GRIK2: variants seen among roughly 807,000 people sequenced by gnomAD.
The protein encoded by GRIK2 is glutamate ionotropic receptor kainate type subunit 2.
GRIK2 carries 32 observed loss-of-function variants against 100.3 expected under a neutral mutation model. The observed-to-expected ratio is 0.32, with a 90% CI of 0.24 to 0.43. The LOEUF (loss-of-function observed/expected upper bound fraction) is 0.43, where lower values mean the gene tolerates loss of function less well. Among genes scored for constraint, GRIK2 ranks in the 20% least tolerant of loss-of-function variants. The pLI is 1.00. For missense variants in GRIK2, 843 were observed against 1,114.9 expected (o/e 0.76, Z 3.47); for synonymous variants, 417 against 389.4 (o/e 1.07, Z -0.83).
chr6:101,402,012 G>A (rs1268907283), intron 2 of GRIK2, among the ~76,000 whole-genome samples: 1 of 152,006 alleles, frequency 6.6e-6, no homozygotes, highest in Non-Finnish European at 1.5e-5. Flanking sequence ...GGCCACCCCA[G>A]CCCCCCTTCC....
At chr6:102,038,618 C>A (rs1770402398) in intron 15 of GRIK2, among the ~76,000 whole-genome samples, 1 of 151,046 alleles carries the variant, frequency 6.6e-6, no homozygotes, top group Admixed American at 6.6e-5. Context: ...TATTTACTTA[C>A]TTACTTACTT....
intron 2 of GRIK2, among the ~76,000 whole-genome samples, chr6:101,603,502 T>C (rs554884869): frequency 4.6e-5 from 7 of 151,696 alleles, no homozygotes; most frequent in Admixed American, 1.3e-4. Context: ...TGGAGTGAGA[T>C]TGGGTCTAAA....
intron 4 of GRIK2, among the ~76,000 whole-genome samples, chr6:101,662,703 C>A (rs1195896930): frequency 6.6e-6 from 1 of 152,048 alleles, no homozygotes; most frequent in African/African-American, 2.4e-5. Context: ...TGTCCACTTG[C>A]TAAATGGTTA....
chr6:101,728,451 G>A (rs893056597), intron 7 of GRIK2, among the ~76,000 whole-genome samples: 1 of 152,034 alleles, frequency 6.6e-6, no homozygotes, highest in African/African-American at 2.4e-5. Context: ...GCCAAAATTT[G>A]CAGCTGTATC....
At chr6:101,653,577 CTT>C (rs894360197) in intron 4 of GRIK2, among the ~76,000 whole-genome samples, 2 of 152,096 alleles carry the variant, frequency 1.3e-5, no homozygotes, top group African/African-American at 2.4e-5. Flanking sequence ...AAGCCCTCCT[CTT>C]TGCTGATTTA....
chr6:101,910,842 C>CACAA (rs1788634457), intron 12 of GRIK2, among the ~76,000 whole-genome samples: 1 of 149,288 alleles, frequency 6.7e-6, no homozygotes, highest in Admixed American at 6.7e-5. Flanking sequence ...ACATACACCA[C>CACAA]ACACACACAC....
intron 14 of GRIK2, among the ~76,000 whole-genome samples, chr6:102,018,920 T>G (rs1473756916): frequency 3.3e-5 from 5 of 150,950 alleles, no homozygotes; most frequent in Non-Finnish European, 7.4e-5. Flanking sequence ...ACACAAAATA[T>G]TCTGAGACAT....
chr6:101,458,201 T>C (rs891054720), intron 2 of GRIK2, among the ~76,000 whole-genome samples: 6 of 152,072 alleles, frequency 3.9e-5, no homozygotes, highest in Non-Finnish European at 8.8e-5. Flanking sequence ...ATCTTTTTTT[T>C]TTAAAGGACA....
At chr6:101,842,532 G>A (rs949729277) in intron 10 of GRIK2, among the ~76,000 whole-genome samples, 2 of 152,048 alleles carry the variant, frequency 1.3e-5, no homozygotes, top group African/African-American at 4.8e-5. Context: ...TCCTCAACTA[G>A]ATTAAAAGGT....
intron 4 of GRIK2, among the ~76,000 whole-genome samples, chr6:101,647,708 A>G (rs1283646476): frequency 6.6e-6 from 1 of 152,050 alleles, no homozygotes; most frequent in Non-Finnish European, 1.5e-5. Context: ...GTTTTTAACT[A>G]AAGATGAATA....
At chr6:102,056,382 T>C (rs1400778012) in intron 16 of GRIK2, among the ~76,000 whole-genome samples, 1 of 151,982 alleles carries the variant, frequency 6.6e-6, no homozygotes, top group South Asian at 2.1e-4. Flanking sequence ...AATAACTCTT[T>C]CAGATGCTAC....
intron 16 of GRIK2, among the ~76,000 whole-genome samples, chr6:102,064,273 TCTC>T (rs1381987042): frequency 1.3e-5 from 2 of 149,230 alleles, no homozygotes; most frequent in East Asian, 2.0e-4. Flanking sequence ...TCCCTCTCCT[TCTC>T]CTTCTCTTCT....
At position 101,995,869 on chromosome 6, in the gene GRIK2, C is replaced by T. The variant is rs542589463; in HGVS notation, c.2086-39472C>T. Reference sequence around the variant, plus strand: ...GTTTAAGTCTAGTTTAAACAACATACTAACATCACTATTATTTCTATATAA... The same window carrying T: ...GTTTAAGTCTAGTTTAAACAACATATTAACATCACTATTATTTCTATATAA... On this transcript the variant is annotated intron_variant, in intron 14 of 16. Transcript: ENST00000369134. 2.0e-5 allele frequency among the ~76,000 whole-genome samples: 3 copies of T among 152,082 alleles called. No homozygotes were observed. In the East Asian group the frequency reaches 5.8e-4, roughly 29 times the overall value.
At chr6:101,548,163 G>T (rs1334086723) in intron 2 of GRIK2, among the ~76,000 whole-genome samples, 2 of 151,916 alleles carry the variant, frequency 1.3e-5, no homozygotes, top group Non-Finnish European at 1.5e-5. Context: ...TTTTTGATGG[G>T]GTTGTTTGTT....
intron 10 of GRIK2, among the ~76,000 whole-genome samples, chr6:101,853,652 CTTTA>C (rs1784263763): frequency 6.6e-6 from 1 of 152,158 alleles, no homozygotes; most frequent in Non-Finnish European, 1.5e-5. Flanking sequence ...TTTATAGCAA[CTTTA>C]TTTATAATTG....
At chr6:101,960,004 G>T (rs1792183890) in intron 14 of GRIK2, among the ~76,000 whole-genome samples, 1 of 147,480 alleles carries the variant, frequency 6.8e-6, no homozygotes, top group Non-Finnish European at 1.5e-5. Flanking sequence ...TCATAGGTTT[G>T]GTTACTTTAC....
intron 15 of GRIK2, among the ~76,000 whole-genome samples, chr6:102,036,264 T>C (rs931545916): frequency 7.2e-4 from 108 of 150,006 alleles, no homozygotes; most frequent in African/African-American, 2.3e-3. Flanking sequence ...CACACACATA[T>C]ATATATAAAA....
chr6:101,531,186 C>T (rs1222468816), intron 2 of GRIK2, among the ~76,000 whole-genome samples: 1 of 151,964 alleles, frequency 6.6e-6, no homozygotes, highest in Non-Finnish European at 1.5e-5. Context: ...ATCAAGAGCT[C>T]TGTCAAGTCC....
Position 102,035,322 on chromosome 6 carries a change from TTA to T in GRIK2, c.2086-15_2086-14del. On this transcript the variant is annotated splice_polypyrimidine_tract_variant and intron_variant, in intron 14 of 16. Transcript: ENST00000369134. Reference sequence around the variant, plus strand: ...AAAGAATAACTTTCTCGTGACCAACTTATATTTATTTTCTTCAGAAATCAAAA... The same window carrying T: ...AAAGAATAACTTTCTCGTGACCAACTTATTTATTTTCTTCAGAAATCAAAA... The T allele has an allele frequency of 6.9e-7, 1 of 1,458,228 alleles. No homozygotes were observed. The highest frequency in any genetic ancestry group is 9.6e-7 in the Non-Finnish European group (1 of 1,042,950). 90.3% of individuals were successfully genotyped at this position (1,458,228 alleles called of 1,614,324 possible).
Sources: gnomAD v4.1 joint callset for allele counts (sites outside exome capture counted in the v4.1 genomes callset) on GRCh38, gnomAD v4.1.1 for gene constraint, MANE v1.5 for transcripts, NCBI Gene and HGNC (gene_info 2026-07-23, HGNC 2026-07-21) for gene names.